The following PDE1A variants were observed in gnomAD, a reference collection of about 807,000 sequenced individuals.
PDE1A encodes the protein dual specificity calcium/calmodulin-dependent 3',5'-cyclic nucleotide phosphodiesterase 1A.
PDE1A carries 35 observed loss-of-function variants against 61.7 expected under a neutral mutation model. That is an observed-to-expected ratio of 0.57 (90% confidence interval 0.43 to 0.75). The LOEUF (loss-of-function observed/expected upper bound fraction) is 0.75, where lower values mean the gene tolerates loss of function less well. PDE1A is among the 30% of genes least tolerant of loss of function. The probability of loss-of-function intolerance (pLI) is 0.00; values close to 1 mark genes in which losing one functional copy is unlikely to be tolerated. For missense variants in PDE1A, 597 were observed against 630.6 expected, an observed-to-expected ratio of 0.95 and a Z score of 0.57; for synonymous variants, 232 against 213.2, an observed-to-expected ratio of 1.09 and a Z score of -0.77.
intron 2 of PDE1A, among the ~76,000 whole-genome samples, chr2:182,462,383 T>C (rs1022954003): frequency 3.3e-5 from 5 of 151,544 alleles, no homozygotes; most frequent in African/African-American, 1.2e-4. Flanking sequence ...TATATATACA[T>C]ATGTATATCT....
In PDE1A at chr2:182,200,581, G is replaced by A. The variant is rs534832126; in HGVS notation, c.1125+858C>T. 2.6e-5 allele frequency among the ~76,000 whole-genome samples: 4 copies of A among 152,170 alleles called. No individual in the cohort carries two copies. In the East Asian group the frequency reaches 7.7e-4, roughly 29 times the overall value. On this transcript the variant is annotated intron_variant, in intron 10 of 13. Coordinates refer to ENST00000351439, the Ensembl canonical transcript of PDE1A. ...GACCCTCCCAGACCTTTCCTTATGG[G>A]CCTTTTCATTTGGCTCTGCCTGGAT...
chr2:182,676,847 T>G, the PDE1A span, among the ~76,000 whole-genome samples: 1 of 152,148 alleles, frequency 6.6e-6, no homozygotes, highest in Non-Finnish European at 1.5e-5. Context: ...AGAAAAGGCT[T>G]TCAATAGAAT....
chr2:182,154,940 T>A (rs745887479), intron 13 of PDE1A, among the ~76,000 whole-genome samples: 4 of 152,076 alleles, frequency 2.6e-5, no homozygotes, highest in Non-Finnish European at 5.9e-5. Flanking sequence ...TGCTTAACTT[T>A]AAGAATGTCA....
chr2:182,226,959 A>G (rs1288751307), intron 6 of PDE1A, among the ~76,000 whole-genome samples: 1 of 151,936 alleles, frequency 6.6e-6, no homozygotes, highest in African/African-American at 2.4e-5. Flanking sequence ...AATTCTTAAA[A>G]CCACTTTATA....
intron 1 of PDE1A, among the ~76,000 whole-genome samples, chr2:182,395,339 T>G (rs1381390685): frequency 6.6e-6 from 1 of 152,238 alleles, no homozygotes; most frequent in African/African-American, 2.4e-5. Context: ...ATTATATCGA[T>G]GACAGTATGC....
At chr2:182,309,769 C>T (rs779778164) in intron 1 of PDE1A, among the ~76,000 whole-genome samples, 2 of 151,888 alleles carry the variant, frequency 1.3e-5, no homozygotes, top group African/African-American at 4.8e-5. Flanking sequence ...AATATCAAAA[C>T]CATAATTTTA....
the PDE1A span, among the ~76,000 whole-genome samples, chr2:182,668,938 C>T: frequency 1.3e-5 from 2 of 152,178 alleles, no homozygotes; most frequent in Admixed American, 6.5e-5. Context: ...ATGAGCTTAA[C>T]AAACAGGTTA....
the PDE1A span, among the ~76,000 whole-genome samples, chr2:182,670,015 T>C: frequency 6.6e-6 from 1 of 152,212 alleles, no homozygotes; most frequent in Non-Finnish European, 1.5e-5. Flanking sequence ...TAAGTAAAAA[T>C]GCTATATAAA....
At chr2:182,701,806 G>C in the PDE1A span, among the ~76,000 whole-genome samples, 1 of 152,078 alleles carries the variant, frequency 6.6e-6, no homozygotes, top group Non-Finnish European at 1.5e-5. Context: ...GTAGTCTCTA[G>C]GATCTACTAT....
chr2:182,395,329 A>G (rs1701642482), intron 1 of PDE1A, among the ~76,000 whole-genome samples: 1 of 152,190 alleles, frequency 6.6e-6, no homozygotes, highest in African/African-American at 2.4e-5. Context: ...GCATTGATCC[A>G]TTATATCGAT....
At chr2:182,561,637 T>A in the PDE1A span, among the ~76,000 whole-genome samples, 2 of 152,306 alleles carry the variant, frequency 1.3e-5, no homozygotes, top group Non-Finnish European at 2.9e-5. Flanking sequence ...ATCTATAAAT[T>A]ACCTTGGGCA....
intron 1 of PDE1A, among the ~76,000 whole-genome samples, chr2:182,337,111 C>A (rs1574388871): frequency 6.6e-6 from 1 of 151,988 alleles, no homozygotes; most frequent in South Asian, 2.1e-4. Context: ...ATGGTAAATA[C>A]ATGTTAGGTT....
chr2:182,321,086 A>G (rs1269393373), intron 1 of PDE1A, among the ~76,000 whole-genome samples: 2 of 152,188 alleles, frequency 1.3e-5, no homozygotes, highest in African/African-American at 4.8e-5. Context: ...TAGGGCAAAT[A>G]ACTGCTAATG....
chr2:182,265,159 C>T (rs1184258085), intron 1 of PDE1A, among the ~76,000 whole-genome samples: 2 of 151,242 alleles, frequency 1.3e-5, no homozygotes, highest in African/African-American at 4.9e-5. Flanking sequence ...GTACAGTGTA[C>T]ACTGCTCGGG....
At chr2:182,461,371 T>C (rs1453651178) in intron 2 of PDE1A, among the ~76,000 whole-genome samples, 1 of 152,150 alleles carries the variant, frequency 6.6e-6, no homozygotes, top group African/African-American at 2.4e-5. Flanking sequence ...TTATTCATGA[T>C]AAAGCATGGA....
At chr2:182,307,272 C>T (rs1695650012) in intron 1 of PDE1A, among the ~76,000 whole-genome samples, 1 of 152,144 alleles carries the variant, frequency 6.6e-6, no homozygotes, top group African/African-American at 2.4e-5. Flanking sequence ...ATCATTATAA[C>T]AGCATTAGAG....
At chr2:182,532,749 AG>A in the PDE1A span, among the ~76,000 whole-genome samples, 1 of 151,776 alleles carries the variant, frequency 6.6e-6, no homozygotes, top group Non-Finnish European at 1.5e-5. Context: ...ACACGAGGTC[AG>A]GAGATCGACA....
rs1269859401 is a variant in PDE1A at position 182,179,318 on chromosome 2, GAAC to G, written c.1516+6571_1516+6573del. ...GATCCAGAAAACTCCTGCTGAAACA[GAAC>G]AACATTTGTGTTGTCATGGATAAAT... On this transcript the variant is annotated intron_variant, in intron 13 of 13. Coordinates refer to ENST00000351439, the Ensembl canonical transcript of PDE1A. 2.6e-5 allele frequency among the ~76,000 whole-genome samples: 4 copies of G among 152,184 alleles called. No homozygotes were observed. The East Asian group carries it at 7.7e-4, about 29-fold the overall frequency.
intron 1 of PDE1A, among the ~76,000 whole-genome samples, chr2:182,362,383 G>A (rs1446272840): frequency 1.3e-5 from 2 of 151,768 alleles, no homozygotes; most frequent in African/African-American, 2.4e-5. Flanking sequence ...AATAATGTAC[G>A]GTAGCCATCT....
Sources: gnomAD v4.1 joint callset for allele counts (sites outside exome capture counted in the v4.1 genomes callset) on GRCh38, gnomAD v4.1.1 for gene constraint, MANE v1.5 for transcripts, NCBI Gene and HGNC (gene_info 2026-07-23, HGNC 2026-07-21) for gene names.